The following CADM2 variants were observed in gnomAD, a reference collection of about 807,000 sequenced individuals.
The protein encoded by CADM2 is immunoglobulin superfamily member 4D.
Under a neutral mutation model 49.8 loss-of-function variants are expected in CADM2, and 12 were observed. That is an observed-to-expected ratio of 0.24 (90% confidence interval 0.15 to 0.39). The LOEUF (loss-of-function observed/expected upper bound fraction) is 0.39. Ranked by LOEUF, CADM2 falls within the 10% of genes least tolerant of loss-of-function variation. The probability of loss-of-function intolerance (pLI) is 1.00; values close to 1 mark genes in which losing one functional copy is unlikely to be tolerated. For synonymous variants in CADM2, 214 were observed against 175.4 expected (o/e 1.22, Z -1.74); for missense variants, 378 against 492.3 (o/e 0.77, Z 2.20).
chr3:86,058,318 T>C (rs1382685250), intron 8 of CADM2, among the ~76,000 whole-genome samples: 2 of 152,172 alleles, frequency 1.3e-5, no homozygotes, highest in African/African-American at 4.8e-5. Context: ...TGGCAGCTTA[T>C]ACGTTCCAAC....
At chr3:85,423,889 T>C (rs2107503939) in intron 1 of CADM2, among the ~76,000 whole-genome samples, 1 of 152,334 alleles carries the variant, frequency 6.6e-6, no homozygotes. Context: ...AAGCTTTTAC[T>C]TTGTCTTCCC....
intron 1 of CADM2, among the ~76,000 whole-genome samples, chr3:85,382,356 G>A (rs1260394014): frequency 6.6e-6 from 1 of 152,072 alleles, no homozygotes; most frequent in Non-Finnish European, 1.5e-5. Flanking sequence ...TAGATAATAA[G>A]CAGTGGGCAC....
At chr3:85,953,154 T>C (rs1400013448) in intron 7 of CADM2, among the ~76,000 whole-genome samples, 2 of 150,944 alleles carry the variant, frequency 1.3e-5, no homozygotes, top group Non-Finnish European at 3.0e-5. Context: ...TTTCTGGTGT[T>C]AAACTAAAAT....
chr3:85,221,525 G>T (rs1311695427), intron 1 of CADM2, among the ~76,000 whole-genome samples: 1 of 152,098 alleles, frequency 6.6e-6, no homozygotes, highest in Non-Finnish European at 1.5e-5. Flanking sequence ...AAAATTAGGT[G>T]AGCTAATAGT....
At chr3:85,193,720 A>G (rs2041268929) in intron 1 of CADM2, among the ~76,000 whole-genome samples, 2 of 152,098 alleles carry the variant, frequency 1.3e-5, no homozygotes, top group Admixed American at 1.3e-4. Context: ...TCTGCATTGC[A>G]GATTTGATCA....
intron 3 of CADM2, among the ~76,000 whole-genome samples, chr3:85,856,381 A>G (rs2075318982): frequency 6.6e-6 from 1 of 152,170 alleles, no homozygotes; most frequent in Non-Finnish European, 1.5e-5. Flanking sequence ...CTTTTTCATA[A>G]CGGATCTATT....
chr3:85,365,147 A>T (rs2032658599), intron 1 of CADM2, among the ~76,000 whole-genome samples: 2 of 138,056 alleles, frequency 1.4e-5, no homozygotes, highest in African/African-American at 2.7e-5. Context: ...AAATTATACT[A>T]CCTAGACATT....
chr3:85,368,506 G>GTA (rs1173499971), intron 1 of CADM2, among the ~76,000 whole-genome samples: 6 of 150,036 alleles, frequency 4.0e-5, no homozygotes, highest in African/African-American at 1.2e-4. Flanking sequence ...TCATATGTGT[G>GTA]TATATATATA....
rs1237753809 is a variant in CADM2, at chr3:85,113,612, A to G, written c.61+153944A>G. 2.6e-5 allele frequency among the ~76,000 whole-genome samples: 4 copies of G among 151,740 alleles called. No individual in the cohort carries two copies. In the East Asian group the frequency reaches 7.8e-4, roughly 29 times the overall value. Reference sequence around the variant, plus strand: ...GAATATTCAGTTGATGTACTGAAATATTTTACATTATATACTTCTAAATGT... The same window carrying G: ...GAATATTCAGTTGATGTACTGAAATGTTTTACATTATATACTTCTAAATGT... On this transcript the variant is annotated intron_variant, in intron 1 of 9. Transcript: ENST00000383699.
intron 1 of CADM2, among the ~76,000 whole-genome samples, chr3:85,025,844 C>G (rs2034700119): frequency 6.6e-6 from 1 of 151,762 alleles, no homozygotes; most frequent in African/African-American, 2.4e-5. Flanking sequence ...TTCTAGAATT[C>G]AGGAGATGGC....
intron 8 of CADM2, among the ~76,000 whole-genome samples, chr3:86,017,335 C>T (rs1732405985): frequency 6.6e-6 from 1 of 151,794 alleles, no homozygotes. Context: ...ACATGTTTTA[C>T]TAATTATTTA....
At chr3:85,433,962 CTT>C (rs377280033) in intron 1 of CADM2, among the ~76,000 whole-genome samples, 1 of 151,992 alleles carries the variant, frequency 6.6e-6, no homozygotes, top group Non-Finnish European at 1.5e-5. Context: ...ATCCCTTAGA[CTT>C]TTTTTGTATT....
chr3:85,458,952 G>C (rs928173726), intron 1 of CADM2, among the ~76,000 whole-genome samples: 1 of 152,096 alleles, frequency 6.6e-6, no homozygotes, highest in African/African-American at 2.4e-5. Context: ...TATACAAATG[G>C]AAATTCTTTT....
In CADM2 at chr3:85,575,348, C is replaced by A. The variant is rs192752958; in HGVS notation, c.62-151174C>A. ...GGGTGGATCACAAGGTCAGGAGATC[C>A]AGACCATCCTAGCTAACATGGTGAA... On this transcript the variant is annotated intron_variant, in intron 1 of 9. Transcript: ENST00000383699. 9.7e-4 allele frequency among the ~76,000 whole-genome samples: 148 copies of A among 152,186 alleles called. 1 individual carries two copies. The East Asian group carries it at 0.026, about 26-fold the overall frequency.
At chr3:85,378,812 A>G (rs899301423) in intron 1 of CADM2, among the ~76,000 whole-genome samples, 3 of 151,986 alleles carry the variant, frequency 2.0e-5, no homozygotes, top group African/African-American at 7.2e-5. Flanking sequence ...AAAATCTCAG[A>G]AATCACCATT....
At chr3:85,973,622 A>C (rs1475878601) in intron 8 of CADM2, among the ~76,000 whole-genome samples, 1 of 151,794 alleles carries the variant, frequency 6.6e-6, no homozygotes, top group African/African-American at 2.4e-5. Context: ...TATTATTAAA[A>C]AGAGCTAAAA....
intron 1 of CADM2, among the ~76,000 whole-genome samples, chr3:85,267,133 G>C (rs1417449367): frequency 8.9e-6 from 1 of 112,492 alleles, no homozygotes. Context: ...GAAGCTGAAA[G>C]ATTAACCATA....
chr3:85,645,221 ATATCATT>A (rs1395081751), intron 1 of CADM2, among the ~76,000 whole-genome samples: 1 of 152,054 alleles, frequency 6.6e-6, no homozygotes, highest in Non-Finnish European at 1.5e-5. Flanking sequence ...ACTTTTCCCC[ATATCATT>A]TAGTTGTAGA....
At chr3:85,175,233 A>G (rs1475527329) in intron 1 of CADM2, among the ~76,000 whole-genome samples, 1 of 152,202 alleles carries the variant, frequency 6.6e-6, no homozygotes, top group Non-Finnish European at 1.5e-5. Context: ...ACAATTAAAC[A>G]TAACATTACC....
Sources: gnomAD v4.1 joint callset for allele counts (sites outside exome capture counted in the v4.1 genomes callset) on GRCh38, gnomAD v4.1.1 for gene constraint, MANE v1.5 for transcripts, NCBI Gene and HGNC (gene_info 2026-07-23, HGNC 2026-07-21) for gene names.